Variants in DHX29 observed in about 807,000 individuals in gnomAD.
DHX29 encodes DExH-box helicase 29.
A neutral mutation model predicts 167.9 loss-of-function variants in DHX29; 79 were observed. That is an observed-to-expected ratio of 0.47 (90% CI 0.39 to 0.57). The LOEUF is 0.57. Among genes scored for constraint, DHX29 ranks in the 20% least tolerant of loss-of-function variants. The pLI, the probability that DHX29 is intolerant of heterozygous loss-of-function variation, is 0.00. For synonymous variants in DHX29, 530 were observed against 546.0 expected, an observed-to-expected ratio of 0.97 and a Z score of 0.41; for missense variants, 1,347 against 1,593.4, an observed-to-expected ratio of 0.85 and a Z score of 2.63.
intron 19 of DHX29, 45 bp from the exon 20 acceptor site, chr5:55,270,532 C>T (rs1746800794): frequency 1.2e-6 from 2 of 1,613,312 alleles, no homozygotes; most frequent in Non-Finnish European, 1.7e-6. Flanking sequence ...AGAAATGTCA[C>T]ACAATACTGG....
intron 26 of DHX29, among the ~76,000 whole-genome samples, chr5:55,256,991 T>TACC (rs1746086708): frequency 6.6e-6 from 1 of 152,200 alleles, no homozygotes; most frequent in African/African-American, 2.4e-5. Context: ...AAAGAACTGT[T>TACC]ACCAGTTTCT....
Position 55,272,109 on chromosome 5 carries a change from T to G in DHX29, c.2842A>C (p.Thr948Pro), listed in dbSNP as rs146299371. The G allele has an allele frequency of 6.3e-7, 1 of 1,583,076 alleles. No homozygotes were observed. The highest frequency in any genetic ancestry group is 1.4e-5 in the African/African-American group (1 of 73,576). ...TACTTATTTTCTTTTGTTCTTCCAG[T>G]ATCAATTACAAATACAACATCAGGA... ...TIPDVVFVIDTGRTKENKYHE... is the reference protein window; with the variant it reads ...TIPDVVFVIDPGRTKENKYHE... The change falls in exon 18 of 27, where the codon ACT (threonine) becomes CCT (proline). Residue 948 changes from threonine (T) to proline (P), a missense_variant. Coordinates refer to ENST00000251636, the MANE Select transcript of DHX29 (RefSeq NM_019030.4).
intron 2 of DHX29, among the ~76,000 whole-genome samples, chr5:55,298,019 G>GA (rs371712168): frequency 7.2e-5 from 11 of 152,144 alleles, no homozygotes; most frequent in African/African-American, 2.4e-4. Flanking sequence ...ATATAATTCA[G>GA]AAATTCACAG....
chr5:55,273,033 C>T (rs1048974602), intron 17 of DHX29, among the ~76,000 whole-genome samples: 1 of 152,164 alleles, frequency 6.6e-6, no homozygotes, highest in Admixed American at 6.5e-5. Context: ...CCTCAACAGG[C>T]AACATCCATA....
intron 1 of DHX29, among the ~76,000 whole-genome samples, chr5:55,305,675 G>A (rs1468775142): frequency 6.6e-6 from 1 of 152,210 alleles, no homozygotes; most frequent in Non-Finnish European, 1.5e-5. Context: ...AGACTAGGAT[G>A]TGAACTACAC....
chr5:55,256,362 TTTAAG>T lies in DHX29; in HGVS notation c.*121_*125del. 1 of 723,848 alleles carries T rather than the reference TTTAAG, an allele frequency of 1.4e-6. No individual in the cohort carries two copies. Among genetic ancestry groups the T allele is most frequent in the African/African-American group, 1.8e-5 (1 of 54,418 alleles). 44.8% of individuals were successfully genotyped at this position (723,848 alleles called of 1,614,324 possible). A position where few individuals can be genotyped will look rare whatever the true frequency, so the allele number is the denominator to read the frequency against. On this transcript the variant is annotated 3_prime_UTR_variant, in exon 27 of 27. Coordinates refer to ENST00000251636, the MANE Select transcript of DHX29 (RefSeq NM_019030.4). ...AAGTATGTGCTTTTTTCCCACCACC[TTTAAG>T]TTAATGGCTAGTACCAACATTTTAA...
chr5:55,304,765 A>C (rs1271052713), intron 1 of DHX29, among the ~76,000 whole-genome samples: 2 of 152,148 alleles, frequency 1.3e-5, no homozygotes, highest in Non-Finnish European at 2.9e-5. Context: ...GGTGATTCTG[A>C]ACCTCTACGA....
chr5:55,285,194 A>G, intron 10 of DHX29, 99 bp downstream of exon 10: 1 of 1,495,514 alleles, frequency 6.7e-7, no homozygotes, highest in Non-Finnish European at 9.0e-7. Flanking sequence ...GAATAATGAG[A>G]AAGGATTAAT....
At chr5:55,277,360 C>T (rs1561148738) in intron 12 of DHX29, 78 bp from the exon 13 acceptor site, 1 of 925,930 alleles carries the variant, frequency 1.1e-6, no homozygotes, top group Non-Finnish European at 1.6e-6. Flanking sequence ...ATCAGACACC[C>T]AGATTTACTA....
intron 1 of DHX29, among the ~76,000 whole-genome samples, chr5:55,299,796 G>A (rs2111973154): frequency 6.6e-6 from 1 of 152,158 alleles, no homozygotes; most frequent in South Asian, 2.1e-4. Context: ...GTCACATTCT[G>A]AGGTTCCAGG....
intron 8 of DHX29, among the ~76,000 whole-genome samples, chr5:55,286,098 C>T (rs1478243263): frequency 6.6e-6 from 1 of 151,670 alleles, no homozygotes; most frequent in Non-Finnish European, 1.5e-5. Flanking sequence ...ACTAAAAGTA[C>T]AAAAAAATTA....
At chr5:55,289,488 T>C (rs969443727) in intron 7 of DHX29, 60 bp from the exon 8 acceptor site, 2 of 1,341,602 alleles carry the variant, frequency 1.5e-6, no homozygotes, top group African/African-American at 1.6e-5. Context: ...TTATTTTTTA[T>C]TTATTTACTT....
At chr5:55,274,530 T>C in intron 16 of DHX29, 84 bp downstream of exon 16, 1 of 1,038,748 alleles carries the variant, frequency 9.6e-7, no homozygotes, top group Non-Finnish European at 1.4e-6. Flanking sequence ...GAAAAGACTT[T>C]GAAAACTCTG....
intron 6 of DHX29, among the ~76,000 whole-genome samples, chr5:55,292,237 G>T (rs1748086488): frequency 6.6e-6 from 1 of 152,056 alleles, no homozygotes; most frequent in Non-Finnish European, 1.5e-5. Context: ...GAAATGGTAT[G>T]CCATTGTGGT....
Position 55,270,618 on chromosome 5 carries a change from C to T in DHX29, c.2953G>A (p.Val985Ile). The T allele has an allele frequency of 6.2e-7, 1 of 1,614,212 alleles. No individual in the cohort carries two copies. Among genetic ancestry groups the T allele is most frequent in the Non-Finnish European group, 8.5e-7 (1 of 1,180,040 alleles). The change falls in exon 19 of 27, where the codon GTC becomes ATC. Residue 985 changes from valine to isoleucine, a missense_variant. Coordinates refer to ENST00000251636, the MANE Select transcript of DHX29 (RefSeq NM_019030.4). ...ALQRQGRAGR[V>I]RDGFCFRMYT... The stretch of plus-strand genomic sequence containing the variant: ...ATTCGGAAACAGAAGCCATCTCTGA[C>T]CCGCCCAGCTCTTCCCTGGCGCTGC...
In DHX29 at chr5:55,283,756, T is replaced by A; in HGVS notation, c.1412A>T (p.Asp471Val). ...TAATTCTTCCCTTTTCTTTTCTGCA[T>A]CACTCCACTCCAGCCAAACATCTCG... ...TYRDVWLEWS[D>V]AEKKREELNK... is the part of the protein sequence containing the mutation. Residue 471 changes from aspartate (D) to valine (V), a missense_variant, in exon 11 of 27, where the codon GAT (aspartate) becomes GTT (valine). Asp to Val is a radical substitution (Grantham distance 152). This residue lies in a region of DHX29 where 882 missense variants were observed against 1,082.4 expected (regional missense o/e 0.81). Coordinates refer to ENST00000251636, the MANE Select transcript of DHX29 (RefSeq NM_019030.4). The A allele has an allele frequency of 6.2e-7, 1 of 1,613,178 alleles. No individual in the cohort carries two copies. The highest frequency in any genetic ancestry group is 8.5e-7 in the Non-Finnish European group (1 of 1,179,704).
At chr5:55,267,271 ATGTTCT>A in intron 22 of DHX29, 40 bp from the exon 23 acceptor site, 1 of 1,478,416 alleles carries the variant, frequency 6.8e-7, no homozygotes, top group Non-Finnish European at 9.4e-7. Context: ...AAAGTTCACC[ATGTTCT>A]CTTTCCAAAC....
rs1158588394 is a variant in DHX29, at chr5:55,307,635, A to G, written c.-62T>C. On this transcript the variant is annotated 5_prime_UTR_variant, in exon 1 of 27. Transcript: ENST00000251636. ...CCCCGACGGTACCACTGCACAGCCG[A>G]GAGCTCTTCACATTCCCCGGCTCCG... 4.4e-6 allele frequency: 7 copies of G among 1,584,648 alleles called. No homozygotes were observed. The highest frequency in any genetic ancestry group is 6.0e-6 in the Non-Finnish European group (7 of 1,166,178).
rs755541160 is a variant in DHX29 at position 55,285,672 on chromosome 5, AAAC to A, written c.1232+21_1232+23del. The A allele has an allele frequency of 7.1e-4, 1,092 of 1,536,948 alleles. 4 individuals carry two copies. Among genetic ancestry groups the A allele is most frequent in the Non-Finnish European group, 7.7e-4 (876 of 1,141,344 alleles). On this transcript the variant is annotated intron_variant, in intron 9 of 26. Coordinates refer to ENST00000251636, the MANE Select transcript of DHX29 (RefSeq NM_019030.4). ...TTCTAAAGTTCATTCAGTTAATTAAAAACAACAACAACAAAAAACATACCTACA... is the reference window on the plus strand; with the variant it reads ...TTCTAAAGTTCATTCAGTTAATTAAAAACAACAACAAAAAACATACCTACA...
Sources: gnomAD v4.1 joint callset for allele counts (sites outside exome capture counted in the v4.1 genomes callset) on GRCh38, gnomAD v4.1.1 for gene constraint, gnomAD v4.1.1 regional missense constraint, MANE v1.5 for transcripts, NCBI Gene and HGNC (gene_info 2026-07-23, HGNC 2026-07-21) for gene names.